Variants in ITPKC observed in about 807,000 individuals in gnomAD.
ITPKC encodes the protein inositol-trisphosphate 3-kinase C, also known as IP3 3-kinase C.
ITPKC carries 33 observed loss-of-function variants against 67.1 expected under a neutral mutation model. The observed-to-expected ratio is 0.49, with a 90% CI of 0.37 to 0.66. The LOEUF (loss-of-function observed/expected upper bound fraction) is 0.66. ITPKC is among the 30% of genes least tolerant of loss of function. The pLI is 0.00. For missense variants in ITPKC, 820 were observed against 892.1 expected (o/e 0.92, Z 1.03); for synonymous variants, 341 against 359.8 (o/e 0.95, Z 0.59).
chr19:40,737,556 C>T lies in ITPKC; in HGVS notation c.1777-142C>T. 10 of 722,414 alleles carry T rather than the reference C, an allele frequency of 1.4e-5. No individual in the cohort carries two copies. The South Asian group carries it at 1.6e-4, about 11-fold the overall frequency. 44.8% of individuals were successfully genotyped at this position (722,414 alleles called of 1,614,324 possible). A position where few individuals can be genotyped will look rare whatever the true frequency, so the allele number is the denominator to read the frequency against. On this transcript the variant is annotated intron_variant, in intron 5 of 6. Coordinates refer to ENST00000263370, the MANE Select transcript of ITPKC (RefSeq NM_025194.3). ...TGAATCCAAGCCCTCACTCCTCTGC[C>T]CTGTCTTCCCCATGGCTCCCCTATT...
rs1340493892 is a variant in ITPKC at position 40,717,690 on chromosome 19, A to T, written c.555A>T (p.Pro185=). The T allele has an allele frequency of 6.2e-7, 1 of 1,614,110 alleles. No homozygotes were observed. The highest frequency in any genetic ancestry group is 1.7e-5 in the Admixed American group (1 of 60,010). ...ELETHGSQTQ[P]ERVKSWADNL... is the part of the protein sequence containing the mutation. ...AAACGCATGGGTCACAGACTCAGCC[A>T]GAGAGGGTCAAGTCCTGGGCTGATA... The change falls in exon 1 of 7, where the codon CCA becomes CCT. Residue 185 remains proline (P), a synonymous_variant. Transcript: ENST00000263370.
chr19:40,719,795 T>G (rs1480552385), intron 1 of ITPKC, among the ~76,000 whole-genome samples: 1 of 152,082 alleles, frequency 6.6e-6, no homozygotes, highest in Non-Finnish European at 1.5e-5. Flanking sequence ...CCGGCTGAGG[T>G]AGATACTATT....
intron 3 of ITPKC, among the ~76,000 whole-genome samples, 194 bp from the exon 4 acceptor site, chr19:40,732,966 T>G (rs1250381793): frequency 1.3e-5 from 2 of 152,232 alleles, no homozygotes; most frequent in Non-Finnish European, 2.9e-5. Context: ...AAGACTTCCC[T>G]TTCCCCACTG....
intron 3 of ITPKC, among the ~76,000 whole-genome samples, chr19:40,730,367 A>G (rs1568450366): frequency 1.3e-5 from 2 of 151,868 alleles, no homozygotes; most frequent in Non-Finnish European, 2.9e-5. Flanking sequence ...ATAGTCTTCA[A>G]CTCTCCCATT....
chr19:40,729,410 C>T lies in ITPKC; in HGVS notation c.1464C>T (p.Gly488=). 1 of 1,612,018 alleles carries T rather than the reference C, an allele frequency of 6.2e-7. No homozygotes were observed. The highest frequency in any genetic ancestry group is 1.7e-5 in the Admixed American group (1 of 59,682). ...EGPSIMDCKM[G]SRTYLEEELV... ...CCTCCATTATGGACTGCAAGATGGGCAGCAGGTGGGGCTGGGGCAGCCCTG... is the reference window on the plus strand; with the variant it reads ...CCTCCATTATGGACTGCAAGATGGGTAGCAGGTGGGGCTGGGGCAGCCCTG... The change falls in exon 3 of 7, where the codon GGC becomes GGT. Residue 488 remains glycine (G), a synonymous_variant. Coordinates refer to ENST00000263370, the MANE Select transcript of ITPKC (RefSeq NM_025194.3).
chr19:40,729,178 T>C (rs1267169336), intron 2 of ITPKC, 24 bp from the exon 3 acceptor site: 11 of 1,592,950 alleles, frequency 6.9e-6, no homozygotes, highest in Non-Finnish European at 7.8e-6. Context: ...TTCCTGATCC[T>C]CTCATTTATT....
At chr19:40,734,237 T>C (rs2082284402) in intron 4 of ITPKC, among the ~76,000 whole-genome samples, 1 of 152,176 alleles carries the variant, frequency 6.6e-6, no homozygotes. Context: ...TATGTAACAC[T>C]GTTTTTGTGA....
chr19:40,722,067 G>A (rs936278336), intron 1 of ITPKC, among the ~76,000 whole-genome samples: 2 of 151,984 alleles, frequency 1.3e-5, no homozygotes, highest in Non-Finnish European at 2.9e-5. Context: ...ATCAAAGAAT[G>A]TTTCTGGAGC....
intron 3 of ITPKC, among the ~76,000 whole-genome samples, chr19:40,730,556 A>G (rs1322283048): frequency 6.6e-6 from 1 of 152,018 alleles, no homozygotes; most frequent in Non-Finnish European, 1.5e-5. Flanking sequence ...CTTAGCCTCC[A>G]GAGTAGCTGG....
chr19:40,719,179 C>T (rs1334538188), intron 1 of ITPKC, among the ~76,000 whole-genome samples: 2 of 152,092 alleles, frequency 1.3e-5, no homozygotes, highest in African/African-American at 4.8e-5. Flanking sequence ...GCCCTGAGCC[C>T]CGCTTCACCC....
chr19:40,717,635 C>T lies in ITPKC; in HGVS notation c.500C>T (p.Pro167Leu). 6.2e-7 allele frequency: 1 copy of T among 1,614,134 alleles called. No homozygotes were observed. The highest frequency in any genetic ancestry group is 8.5e-7 in the Non-Finnish European group (1 of 1,180,002). Reference protein sequence around the residue: ...QPEEASPWTQPGVHGPWTELE... With the variant: ...QPEEASPWTQLGVHGPWTELE... ...GAGGAGGCCAGCCCCTGGACACAGC[C>T]AGGGGTTCATGGGCCCTGGACAGAG... is the stretch of plus-strand genomic sequence containing the variant. Residue 167 changes from proline (P) to leucine (L), a missense_variant, in exon 1 of 7, where the codon CCA becomes CTA. This residue lies in a region of ITPKC where 481 missense variants were observed against 470.1 expected (regional missense o/e 1.02). Transcript: ENST00000263370.
intron 4 of ITPKC, among the ~76,000 whole-genome samples, chr19:40,735,748 A>G (rs1333819023): frequency 6.6e-6 from 1 of 152,192 alleles, no homozygotes; most frequent in African/African-American, 2.4e-5. Context: ...AAGTGCCCAC[A>G]TAGCACCTGG....
chr19:40,727,161 C>T (rs2082249742), intron 2 of ITPKC, among the ~76,000 whole-genome samples: 1 of 151,804 alleles, frequency 6.6e-6, no homozygotes. Context: ...AGTGAAACCC[C>T]GTCTCTACTA....
rs765100469 is a variant in ITPKC at position 40,729,314 on chromosome 19, C to T, written c.1368C>T (p.Tyr456=). Residue 456 remains tyrosine, a synonymous_variant, in exon 3 of 7, where the codon TAC becomes TAT. Transcript: ENST00000263370. ...KDPLRPFVPA[Y]YGMVLQDGQT... is the part of the protein sequence containing the mutation. ...CGCTGCGACCTTTCGTGCCTGCCTA[C>T]TATGGCATGGTGCTGCAGGATGGCC... 5.0e-6 allele frequency: 8 copies of T among 1,614,056 alleles called. No homozygotes were observed. Among genetic ancestry groups the T allele is most frequent in the Admixed American group, 3.3e-5 (2 of 60,002 alleles).
Position 40,739,713 on chromosome 19 carries a change from GT to G in ITPKC, c.*154del. The G allele has an allele frequency of 1.5e-6, 1 of 655,996 alleles. No homozygotes were observed. Among genetic ancestry groups the G allele is most frequent in the Non-Finnish European group, 2.6e-6 (1 of 385,646 alleles). The allele number at this position is 655,996 out of a possible 1,614,324, so 40.6% of individuals were successfully genotyped here. A position where few individuals can be genotyped will look rare whatever the true frequency, so the allele number is the denominator to read the frequency against. The stretch of plus-strand genomic sequence containing the variant: ...TGCCACACGAGACCAACGTGGAAAA[GT>G]CTGAAGGGCCTTGGGAGACCAGGTA... On this transcript the variant is annotated 3_prime_UTR_variant, in exon 7 of 7. Coordinates refer to ENST00000263370, the MANE Select transcript of ITPKC (RefSeq NM_025194.3).
At chr19:40,726,420 T>A (rs113787292) in intron 2 of ITPKC, among the ~76,000 whole-genome samples, 157 of 152,338 alleles carry the variant, frequency 1.0e-3, no homozygotes, top group African/African-American at 3.6e-3. Context: ...AGTGCTCTTT[T>A]GAAAGGCTAG....
At chr19:40,737,117 A>G in intron 5 of ITPKC, 30 bp downstream of exon 5, 1 of 1,371,552 alleles carries the variant, frequency 7.3e-7, no homozygotes, top group Non-Finnish European at 1.0e-6. Flanking sequence ...CCCAGAATGT[A>G]GCAGCTTAAG....
Position 40,739,636 on chromosome 19 carries a change from G to A in ITPKC, c.*76G>A. On this transcript the variant is annotated 3_prime_UTR_variant, in exon 7 of 7. Transcript: ENST00000263370. ...AGCCCTGAGATGCCATGGGAGGCCT[G>A]AGGTTGGCCACGGGGGAGCTGGCCT... The A allele has an allele frequency of 7.3e-7, 1 of 1,369,054 alleles. No homozygotes were observed. The highest frequency in any genetic ancestry group is 1.0e-6 in the Non-Finnish European group (1 of 994,910). The allele number at this position is 1,369,054 out of a possible 1,614,324, so 84.8% of individuals were successfully genotyped here. A position where few individuals can be genotyped will look rare whatever the true frequency, so the allele number is the denominator to read the frequency against.
At chr19:40,732,234 C>A (rs2082274125) in intron 3 of ITPKC, among the ~76,000 whole-genome samples, 1 of 112,124 alleles carries the variant, frequency 8.9e-6, no homozygotes, top group African/African-American at 3.6e-5. Context: ...AGCAAGACTC[C>A]ATCTCAAAAA....
Sources: gnomAD v4.1 joint callset for allele counts (sites outside exome capture counted in the v4.1 genomes callset) on GRCh38, gnomAD v4.1.1 for gene constraint, gnomAD v4.1.1 regional missense constraint, MANE v1.5 for transcripts, NCBI Gene and HGNC (gene_info 2026-07-23, HGNC 2026-07-21) for gene names.